Variants in KIF6 observed in about 807,000 individuals in gnomAD.
KIF6 encodes kinesin-like protein KIF6.
Under a neutral mutation model 112.7 loss-of-function variants are expected in KIF6, and 106 were observed. The ratio of observed to expected loss-of-function variants is 0.94; its 90% CI spans 0.80 to 1.11. The LOEUF (loss-of-function observed/expected upper bound fraction) is 1.11. Among genes scored for constraint, KIF6 ranks in the 50% least tolerant of loss-of-function variants. KIF6 has a pLI of 0.00. For missense variants in KIF6, 929 were observed against 964.0 expected (o/e 0.96, Z 0.48); for synonymous variants, 339 against 339.9 (o/e 1.00, Z 0.03).
rs557185664 is a variant in KIF6 at position 39,563,376 on chromosome 6, A to G, written c.1181+14680T>C. Among the ~76,000 whole-genome samples the G allele has an allele frequency of 7.2e-5, 11 of 152,358 alleles. No homozygotes were observed. In the South Asian group the frequency reaches 1.7e-3, roughly 23 times the overall value. ...ACACATATATTTATCATCTATGTAC[A>G]TAGCATATACATACATGTGTATTTT... On this transcript the variant is annotated intron_variant, in intron 10 of 22. Coordinates refer to ENST00000287152, the MANE Select transcript of KIF6 (RefSeq NM_145027.6).
chr6:39,536,036 C>T (rs979026050), intron 13 of KIF6, among the ~76,000 whole-genome samples: 19 of 151,600 alleles, frequency 1.3e-4, no homozygotes, highest in African/African-American at 4.6e-4. Flanking sequence ...ACACAACATA[C>T]CAGAATCTCT....
At chr6:39,549,289 T>TA (rs141390860) in intron 10 of KIF6, among the ~76,000 whole-genome samples, 1 of 152,092 alleles carries the variant, frequency 6.6e-6, no homozygotes, top group East Asian at 1.9e-4. Flanking sequence ...ATAGCATGAA[T>TA]AAAAAGACAA....
intron 5 of KIF6, among the ~76,000 whole-genome samples, chr6:39,614,276 T>C (rs1783384658): frequency 6.6e-6 from 1 of 152,234 alleles, no homozygotes; most frequent in Admixed American, 6.5e-5. Flanking sequence ...ATCTTATTAT[T>C]CACAAGTATT....
chr6:39,538,040 T>C (rs1778548730), intron 13 of KIF6, among the ~76,000 whole-genome samples: 1 of 152,226 alleles, frequency 6.6e-6, no homozygotes, highest in African/African-American at 2.4e-5. Context: ...CTGAATTCCT[T>C]CCTTACACCT....
At chr6:39,583,684 T>G in intron 9 of KIF6, among the ~76,000 whole-genome samples, 2 of 52,190 alleles carry the variant, frequency 3.8e-5, no homozygotes, top group Admixed American at 4.1e-4. Flanking sequence ...CTTTTTTTTT[T>G]TTTTTTTTTT....
At chr6:39,363,210 A>G (rs1252050540) in intron 16 of KIF6, among the ~76,000 whole-genome samples, 1 of 152,110 alleles carries the variant, frequency 6.6e-6, no homozygotes, top group Admixed American at 6.5e-5. Context: ...AAAAAAGGAA[A>G]CCTCTCTAAA....
rs1407162663 is a variant in KIF6, at chr6:39,621,230, CACGT to C, written c.510-7916_510-7913del. On this transcript the variant is annotated intron_variant, in intron 5 of 22. Transcript: ENST00000287152. ...ACACACACACACACACACACACACA[CACGT>C]ACACATATATCTTTAACTGTATCAA... is the stretch of plus-strand genomic sequence containing the variant. Among the ~76,000 whole-genome samples the C allele has an allele frequency of 4.3e-3, 522 of 121,462 alleles. 1 individual carries two copies. Among genetic ancestry groups the C allele is most frequent in the South Asian group, 0.016 (59 of 3,578 alleles). The allele number at this position is 121,462 out of a possible 152,430, so 79.7% of individuals were successfully genotyped here. A position where few individuals can be genotyped will look rare whatever the true frequency, so the allele number is the denominator to read the frequency against.
chr6:39,545,636 A>G lies in KIF6; in HGVS notation c.1234T>C (p.Leu412=). The G allele has an allele frequency of 6.2e-7, 1 of 1,613,806 alleles. No individual in the cohort carries two copies. Among genetic ancestry groups the G allele is most frequent in the Non-Finnish European group, 8.5e-7 (1 of 1,179,788 alleles). The change falls in exon 11 of 23, where the codon TTA becomes CTA. Residue 412 remains leucine, a synonymous_variant. Coordinates refer to ENST00000287152, the MANE Select transcript of KIF6 (RefSeq NM_145027.6). Reference sequence around the variant, plus strand: ...TTACGCATATCCGCGCCAACCTCTAATCTACTGTCTGAATCCTGGTCTTCC... The same window carrying G: ...TTACGCATATCCGCGCCAACCTCTAGTCTACTGTCTGAATCCTGGTCTTCC... ...FLEDQDSDSR[L]EVGADMRKVH...
At chr6:39,643,289 G>A (rs1375060390) in intron 3 of KIF6, among the ~76,000 whole-genome samples, 1 of 152,124 alleles carries the variant, frequency 6.6e-6, no homozygotes, top group African/African-American at 2.4e-5. Context: ...CAAAATTCAA[G>A]CTGGCTTATT....
chr6:39,427,878 G>A (rs190069278), intron 14 of KIF6, among the ~76,000 whole-genome samples: 12 of 152,208 alleles, frequency 7.9e-5, no homozygotes, highest in African/African-American at 1.7e-4. Flanking sequence ...ACTCAGCCCC[G>A]ACCCAAATCC....
intron 19 of KIF6, chr6:39,354,165 G>A: frequency 3.1e-6 from 1 of 327,132 alleles, no homozygotes; most frequent in Non-Finnish European, 6.1e-6. Flanking sequence ...CCCTGCAACG[G>A]TGACCTGCTG....
intron 15 of KIF6, among the ~76,000 whole-genome samples, chr6:39,394,163 G>A (rs1024081805): frequency 6.6e-6 from 1 of 152,130 alleles, no homozygotes; most frequent in Non-Finnish European, 1.5e-5. Context: ...AGTGAATTGG[G>A]TAGGAGAGGA....
At chr6:39,447,478 A>T (rs1772403593) in intron 13 of KIF6, among the ~76,000 whole-genome samples, 1 of 151,844 alleles carries the variant, frequency 6.6e-6, no homozygotes, top group Admixed American at 6.6e-5. Context: ...ATGTATGCTG[A>T]ATCGGTTATA....
chr6:39,486,378 G>A (rs1051799346), intron 13 of KIF6, among the ~76,000 whole-genome samples: 9 of 152,134 alleles, frequency 5.9e-5, no homozygotes, highest in Middle Eastern at 3.2e-3. Context: ...TAGAGCACCC[G>A]TCATGTGGAT....
At chr6:39,719,300 C>T (rs302579) in intron 2 of KIF6, among the ~76,000 whole-genome samples, 130,432 of 151,822 alleles carry the variant, frequency 0.86, 56,445 homozygotes, top group East Asian at 0.97. Flanking sequence ...GCCTGGGCGA[C>T]AGAGCAAAAC....
At chr6:39,665,598 T>C (rs1344477641) in intron 3 of KIF6, among the ~76,000 whole-genome samples, 2 of 152,130 alleles carry the variant, frequency 1.3e-5, no homozygotes, top group Non-Finnish European at 2.9e-5. Context: ...AAATTCAACA[T>C]GAAAAAGTGT....
At chr6:39,337,225 T>TTCTTTCTTTCTTTCTC (rs1562102921) in intron 22 of KIF6, among the ~76,000 whole-genome samples, 2 of 111,192 alleles carry the variant, frequency 1.8e-5, no homozygotes, top group African/African-American at 6.5e-5. Context: ...CTTTCTTTCT[T>TTCTTTCTTTCTTTCTC]TCTTTCTTTC....
chr6:39,368,075 A>C (rs1183967303), intron 16 of KIF6, among the ~76,000 whole-genome samples: 1 of 152,184 alleles, frequency 6.6e-6, no homozygotes, highest in African/African-American at 2.4e-5. Context: ...TTTAGATAGG[A>C]TGGTGTGTAG....
intron 15 of KIF6, among the ~76,000 whole-genome samples, chr6:39,399,129 A>G (rs1318371336): frequency 6.6e-6 from 1 of 152,164 alleles, no homozygotes; most frequent in Non-Finnish European, 1.5e-5. Context: ...CAGCCCCTAC[A>G]ATCTCATGAG....
Sources: allele counts gnomAD v4.1 joint callset (sites outside exome capture counted in the v4.1 genomes callset), GRCh38; gene constraint gnomAD v4.1.1; transcripts MANE v1.5; gene names NCBI Gene and HGNC (gene_info 2026-07-23, HGNC 2026-07-21).